OR7A5: variants seen among roughly 807,000 people sequenced by gnomAD.
The protein encoded by OR7A5 is olfactory receptor family 7 subfamily A member 5.
For synonymous variants in OR7A5, 140 were observed against 146.7 expected, an observed-to-expected ratio of 0.95 and a Z score of 0.33; for missense variants, 319 against 377.9, an observed-to-expected ratio of 0.84 and a Z score of 1.29.
intron 1 of OR7A5, among the ~76,000 whole-genome samples, chr19:14,829,391 C>T (rs369402446): frequency 3.2e-4 from 48 of 152,192 alleles, no homozygotes; most frequent in East Asian, 1.5e-3. Context: ...TTAGTAGAGA[C>T]GGGGTTTCTC....
At chr19:14,833,359 G>A (rs2044852830) in intron 1 of OR7A5, among the ~76,000 whole-genome samples, 1 of 152,206 alleles carries the variant, frequency 6.6e-6, no homozygotes, top group Admixed American at 6.5e-5. Context: ...CTTGCCTGCA[G>A]TCCAAGCTAC....
At position 14,827,514 on chromosome 19, in the gene OR7A5, G is replaced by C; in HGVS notation, c.728C>G (p.Ser243Cys). Residue 243 changes from serine to cysteine, a missense_variant, in exon 2 of 2, where the codon TCT becomes TGT. Physicochemically the swap from Ser to Cys is moderately radical, Grantham distance 112. Coordinates refer to ENST00000322301, the MANE Select transcript of OR7A5 (RefSeq NM_017506.2). The stretch of plus-strand genomic sequence containing the variant: ...AAATAAGGAGACAACTGAGAGGTGA[G>C]ATGCACAGGTGGAAAATGCCTTGTA... ...GKYKAFSTCA[S>C]HLSVVSLFYG... 6.2e-7 allele frequency: 1 copy of C among 1,614,176 alleles called. No individual in the cohort carries two copies. Among genetic ancestry groups the C allele is most frequent in the Non-Finnish European group, 8.5e-7 (1 of 1,180,022 alleles).
chr19:14,831,564 C>A (rs1045169405), intron 1 of OR7A5, among the ~76,000 whole-genome samples: 1 of 152,064 alleles, frequency 6.6e-6, no homozygotes, highest in Non-Finnish European at 1.5e-5. Context: ...CCTGCCTCAG[C>A]CTCCTGAGTA....
chr19:14,832,416 T>C (rs1002862402), intron 1 of OR7A5, among the ~76,000 whole-genome samples: 26 of 149,196 alleles, frequency 1.7e-4, no homozygotes, highest in African/African-American at 6.1e-4. Context: ...CTCTCTCTCT[T>C]TCTTTCTTTT....
chr19:14,831,749 A>AT (rs1011094263), intron 1 of OR7A5, among the ~76,000 whole-genome samples: 51 of 139,166 alleles, frequency 3.7e-4, no homozygotes, highest in South Asian at 9.0e-4. Flanking sequence ...GGCCTATTTT[A>AT]TTTTTTTTTT....
Position 14,827,092 on chromosome 19 carries a change from A to G in OR7A5, c.*190T>C. The G allele has an allele frequency of 2.1e-6, 1 of 486,724 alleles. No homozygotes were observed. Among genetic ancestry groups the G allele is most frequent in the African/African-American group, 2.0e-5 (1 of 49,984 alleles). The allele number at this position is 486,724 out of a possible 1,614,324, so 30.2% of individuals were successfully genotyped here. On this transcript the variant is annotated 3_prime_UTR_variant, in exon 2 of 2. Transcript: ENST00000322301. ...AGAAAGTAGGAAAACAACAAAGAGA[A>G]AAAACTGTTGGATATCAGAGAGCAG...
intron 1 of OR7A5, among the ~76,000 whole-genome samples, chr19:14,831,160 C>T (rs551084385): frequency 2.0e-5 from 3 of 152,274 alleles, no homozygotes; most frequent in Non-Finnish European, 4.4e-5. Context: ...ATAGCTGCTA[C>T]CCATGACAAA....
chr19:14,834,243 G>A (rs964361993), intron 1 of OR7A5, among the ~76,000 whole-genome samples: 1 of 152,100 alleles, frequency 6.6e-6, no homozygotes, highest in Admixed American at 6.6e-5. Context: ...GTAGTAGCAT[G>A]GACAGAGGCT....
intron 1 of OR7A5, among the ~76,000 whole-genome samples, chr19:14,833,473 C>T (rs148374656): frequency 0.015 from 2,315 of 151,892 alleles, 29 homozygotes; most frequent in Non-Finnish European, 0.024. Context: ...GGCGAGACTC[C>T]GTCTCAAAAA....
At chr19:14,829,255 G>A (rs2044807383) in intron 1 of OR7A5, among the ~76,000 whole-genome samples, 1 of 152,232 alleles carries the variant, frequency 6.6e-6, no homozygotes, top group African/African-American at 2.4e-5. Context: ...CCGGGCTGGA[G>A]CGCAGTGGCG....
At position 14,827,542 on chromosome 19, in the gene OR7A5, T is replaced by C; in HGVS notation, c.700A>G (p.Lys234Glu). The C allele has an allele frequency of 1.2e-6, 2 of 1,614,084 alleles. No individual in the cohort carries two copies. The highest frequency in any genetic ancestry group is 2.2e-5 in the East Asian group (1 of 44,884). ...SIHAISSAQG[K>E]YKAFSTCASH... ...GCACAGGTGGAAAATGCCTTGTACT[T>C]CCCCTGAGCTGATGAGATTGCATGT... is the stretch of plus-strand genomic sequence containing the variant. The change falls in exon 2 of 2, where the codon AAG becomes GAG. Residue 234 changes from lysine to glutamate, a missense_variant. Lys to Glu is a moderately conservative substitution (Grantham distance 56). Transcript: ENST00000322301.
chr19:14,832,016 C>G (rs1467313702), intron 1 of OR7A5, among the ~76,000 whole-genome samples: 2 of 152,058 alleles, frequency 1.3e-5, no homozygotes, highest in Non-Finnish European at 2.9e-5. Context: ...TTATATAATA[C>G]TCATGCCTCA....
In OR7A5 at chr19:14,826,357, AC is replaced by A. The variant is rs1042079285; in HGVS notation, c.*924del. 7.9e-5 allele frequency: 12 copies of A among 152,348 alleles called. No homozygotes were observed. The highest frequency in any genetic ancestry group is 2.9e-4 in the African/African-American group (12 of 41,590). 9.4% of individuals were successfully genotyped at this position (152,348 alleles called of 1,614,324 possible). A position where few individuals can be genotyped will look rare whatever the true frequency, so the allele number is the denominator to read the frequency against. Reference sequence around the variant, plus strand: ...ACTGACCTGCACTTTAATGTTTACGACAAAATTTTATAATGAAGGAGGTATT... The same window carrying A: ...ACTGACCTGCACTTTAATGTTTACGAAAAATTTTATAATGAAGGAGGTATT... On this transcript the variant is annotated 3_prime_UTR_variant, in exon 2 of 2. Transcript: ENST00000322301.
rs747592091 is a variant in OR7A5, at chr19:14,827,683, G to A, written c.559C>T (p.Leu187Phe). The A allele has an allele frequency of 6.2e-7, 1 of 1,614,060 alleles. No homozygotes were observed. The highest frequency in any genetic ancestry group is 1.1e-5 in the South Asian group (1 of 91,092). ...TTAAGAAAGCTATCAGAACAAGCAA[G>A]TTGGATGACCTGATTAAGTTCACAG... ...FFCELNQVIQ[L>F]ACSDSFLNHM... Residue 187 changes from leucine (L) to phenylalanine (F), a missense_variant, in exon 2 of 2, where the codon CTT becomes TTT. Physicochemically the swap from Leu to Phe is conservative, Grantham distance 22 (BLOSUM62 0). Transcript: ENST00000322301.
Position 14,832,896 on chromosome 19 carries a change from A to ATTAT in OR7A5, c.-14+2177_-14+2178insATAA, listed in dbSNP as rs1211935329. Among the ~76,000 whole-genome samples the ATTAT allele has an allele frequency of 1.6e-3, 245 of 152,362 alleles. 1 individual carries two copies. Among genetic ancestry groups the ATTAT allele is most frequent in the African/African-American group, 5.7e-3 (238 of 41,598 alleles). On this transcript the variant is annotated intron_variant, in intron 1 of 1. Transcript: ENST00000322301. ...GACATGCTATAATAATAATTTAATC[A>ATTAT]TATCAACATAAATTAATAAATTGGC...
chr19:14,829,198 G>A (rs1156959271), intron 1 of OR7A5, among the ~76,000 whole-genome samples: 1 of 152,136 alleles, frequency 6.6e-6, no homozygotes, highest in Non-Finnish European at 1.5e-5. Flanking sequence ...TTTGAGGGAT[G>A]TGCTTCTTTC....
chr19:14,832,961 TA>T (rs1260980075), intron 1 of OR7A5, among the ~76,000 whole-genome samples: 1 of 152,204 alleles, frequency 6.6e-6, no homozygotes, highest in Non-Finnish European at 1.5e-5. Context: ...ACACTGTTCA[TA>T]AAAAACTCTT....
At chr19:14,831,878 C>T (rs904227218) in intron 1 of OR7A5, among the ~76,000 whole-genome samples, 1 of 152,036 alleles carries the variant, frequency 6.6e-6, no homozygotes, top group Non-Finnish European at 1.5e-5. Context: ...ATTTTGCACA[C>T]GTCATGACTA....
At chr19:14,829,193 G>A (rs2044806489) in intron 1 of OR7A5, among the ~76,000 whole-genome samples, 1 of 152,094 alleles carries the variant, frequency 6.6e-6, no homozygotes, top group Non-Finnish European at 1.5e-5. Context: ...AAAACTTTGA[G>A]GGATGTGCTT....
Sources: gnomAD v4.1 joint callset for allele counts (sites outside exome capture counted in the v4.1 genomes callset) on GRCh38, gnomAD v4.1.1 for gene constraint, MANE v1.5 for transcripts, NCBI Gene and HGNC (gene_info 2026-07-23, HGNC 2026-07-21) for gene names.